The following TAF2 variants were observed in gnomAD, a reference collection of about 807,000 sequenced individuals.
The protein encoded by TAF2 is TATA-box binding protein associated factor 2.
TAF2 carries 61 observed loss-of-function variants against 138.5 expected under a neutral mutation model. The observed-to-expected ratio is 0.44, with a 90% CI of 0.36 to 0.54. The LOEUF (loss-of-function observed/expected upper bound fraction) is 0.54, where lower values mean the gene tolerates loss of function less well. Among genes scored for constraint, TAF2 ranks in the 20% least tolerant of loss-of-function variants. The pLI is 0.00. For synonymous variants in TAF2, 475 were observed against 469.9 expected, an observed-to-expected ratio of 1.01 and a Z score of -0.14; for missense variants, 1,090 against 1,427.9, an observed-to-expected ratio of 0.76 and a Z score of 3.81.
At chr8:119,739,184 C>A (rs1403728855) in intron 25 of TAF2, among the ~76,000 whole-genome samples, 13 of 152,104 alleles carry the variant, frequency 8.5e-5, no homozygotes, top group Non-Finnish European at 1.6e-4. Flanking sequence ...CCTTGCCCGG[C>A]CTCTCTTCTC....
chr8:119,780,449 G>A (rs931893741), intron 17 of TAF2, among the ~76,000 whole-genome samples: 5 of 152,162 alleles, frequency 3.3e-5, no homozygotes, highest in Admixed American at 6.5e-5. Flanking sequence ...TGCTGTCTCT[G>A]ACTCAGATGT....
intron 18 of TAF2, among the ~76,000 whole-genome samples, chr8:119,776,473 G>C (rs1448767122): frequency 1.3e-5 from 2 of 150,386 alleles, no homozygotes; most frequent in Admixed American, 6.6e-5. Context: ...ACAAGGTCAG[G>C]AGATCGAAAC....
At chr8:119,748,735 G>A (rs1189596478) in intron 22 of TAF2, among the ~76,000 whole-genome samples, 4 of 152,122 alleles carry the variant, frequency 2.6e-5, no homozygotes, top group East Asian at 1.9e-4. Context: ...TCCACAAAGA[G>A]GAGGTTATCA....
chr8:119,792,482 A>T (rs1425268421), intron 10 of TAF2, among the ~76,000 whole-genome samples: 1 of 152,152 alleles, frequency 6.6e-6, no homozygotes, highest in Admixed American at 6.6e-5. Flanking sequence ...CATACCTAGA[A>T]GAATTGCTGG....
At chr8:119,744,176 G>T in intron 24 of TAF2, 112 bp downstream of exon 24, 1 of 1,017,624 alleles carries the variant, frequency 9.8e-7, no homozygotes, top group Non-Finnish European at 1.5e-6. Context: ...ATTTTAAGCT[G>T]GCTAATTTTA....
rs953798173 is a variant in TAF2, at chr8:119,832,829, G to C, written c.-265C>G. The C allele has an allele frequency of 4.5e-6, 2 of 442,218 alleles. No individual in the cohort carries two copies. The highest frequency in any genetic ancestry group is 4.0e-6 in the Non-Finnish European group (1 of 248,126). 27.4% of individuals were successfully genotyped at this position (442,218 alleles called of 1,614,324 possible). A position where few individuals can be genotyped will look rare whatever the true frequency, so the allele number is the denominator to read the frequency against. ...CGAAGCTACCATCCGCCGACATCTTGTCTGTAACCTCTGACCTCCGACGTC... is the reference window on the plus strand; with the variant it reads ...CGAAGCTACCATCCGCCGACATCTTCTCTGTAACCTCTGACCTCCGACGTC... On this transcript the variant is annotated 5_prime_UTR_variant, in exon 1 of 26. Transcript: ENST00000378164.
intron 12 of TAF2, 136 bp from the exon 13 acceptor site, chr8:119,789,040 CA>C: frequency 3.0e-6 from 2 of 660,346 alleles, no homozygotes; most frequent in Non-Finnish European, 5.4e-6. Flanking sequence ...TACAGTAAAC[CA>C]GGTGGCAAAG....
chr8:119,791,416 G>A lies in TAF2; in HGVS notation c.1321C>T (p.Leu441=), dbSNP rs778709665. Residue 441 remains leucine (L), a synonymous_variant, in exon 11 of 26, where the codon CTG becomes TTG. Coordinates refer to ENST00000378164, the MANE Select transcript of TAF2 (RefSeq NM_003184.4). ...AACATACTGTAGTATTCCCAGGACA[G>A]TGTATGTGGATGCTTTATTGAAAAG... The part of the protein sequence containing the change: ...LHFSIKHPHT[L]SWEYYSMFQC... 1.2e-6 allele frequency: 2 copies of A among 1,613,744 alleles called. No individual in the cohort carries two copies. Among genetic ancestry groups the A allele is most frequent in the South Asian group, 2.2e-5 (2 of 91,078 alleles).
At chr8:119,788,688 AC>A in intron 13 of TAF2, 101 bp downstream of exon 13, 1 of 916,518 alleles carries the variant, frequency 1.1e-6, no homozygotes, top group Non-Finnish European at 1.8e-6. Flanking sequence ...TCCACTTCAA[AC>A]AAAATCTCAT....
At chr8:119,735,458 T>G (rs1422602234) in intron 25 of TAF2, among the ~76,000 whole-genome samples, 1 of 152,210 alleles carries the variant, frequency 6.6e-6, no homozygotes, top group African/African-American at 2.4e-5. Flanking sequence ...GCTCATCCAT[T>G]CAAGTGGTAT....
chr8:119,826,323 C>A (rs1024145793), intron 2 of TAF2, among the ~76,000 whole-genome samples: 1 of 151,808 alleles, frequency 6.6e-6, no homozygotes, highest in African/African-American at 2.4e-5. Flanking sequence ...CACAAGCTCT[C>A]TTTTTGCCTG....
At chr8:119,814,888 G>A (rs867065798) in intron 3 of TAF2, among the ~76,000 whole-genome samples, 4 of 149,024 alleles carry the variant, frequency 2.7e-5, no homozygotes, top group African/African-American at 5.0e-5. Context: ...CAGCCTGGGC[G>A]CCAGAGCAGG....
rs1327723460 is a variant in TAF2 at position 119,781,313 on chromosome 8, C to T, written c.2113-120G>A. 18 of 1,118,342 alleles carry T rather than the reference C, an allele frequency of 1.6e-5. No individual in the cohort carries two copies. The Admixed American group carries it at 2.0e-4, about 12-fold the overall frequency. 69.3% of individuals were successfully genotyped at this position (1,118,342 alleles called of 1,614,324 possible). On this transcript the variant is annotated intron_variant, in intron 16 of 25. Coordinates refer to ENST00000378164, the MANE Select transcript of TAF2 (RefSeq NM_003184.4). ...GATTGGGTTTTCAACAACTTCACTTCTCAGAAATTTATAACAATTTAGCAT... is the reference window on the plus strand; with the variant it reads ...GATTGGGTTTTCAACAACTTCACTTTTCAGAAATTTATAACAATTTAGCAT...
At chr8:119,806,165 G>A (rs1824627205) in intron 4 of TAF2, 118 bp downstream of exon 4, 3 of 908,124 alleles carry the variant, frequency 3.3e-6, no homozygotes, top group Non-Finnish European at 5.4e-6. Context: ...GCCTCCCAAA[G>A]TGCTGGGATT....
chr8:119,818,732 C>CCACA (rs199991010), intron 3 of TAF2, among the ~76,000 whole-genome samples: 9,187 of 110,664 alleles, frequency 0.083, 294 homozygotes, highest in African/African-American at 0.12. Context: ...AAAATGAAGT[C>CCACA]CACACACACA....
At chr8:119,776,980 T>C (rs190140110) in intron 18 of TAF2, among the ~76,000 whole-genome samples, 2 of 152,272 alleles carry the variant, frequency 1.3e-5, no homozygotes, top group Admixed American at 6.5e-5. Context: ...CAAAATTTAT[T>C]TGGGGAAGAA....
At chr8:119,742,231 T>C (rs560821302) in intron 25 of TAF2, among the ~76,000 whole-genome samples, 15 of 152,330 alleles carry the variant, frequency 9.8e-5, no homozygotes, top group Non-Finnish European at 2.1e-4. Context: ...AAAATGTTCA[T>C]TATAATTAAA....
rs1033965058 is a variant in TAF2 at position 119,733,525 on chromosome 8, T to C, written c.3338-1339A>G. ...TGTCCTCAAAGGTTCTCTACAGTTT[T>C]AACATTCTATCCGTCTAGGAATCTA... On this transcript the variant is annotated intron_variant, in intron 25 of 25. Coordinates refer to ENST00000378164, the MANE Select transcript of TAF2 (RefSeq NM_003184.4). Among the ~76,000 whole-genome samples, 7 of 152,206 alleles carry C rather than the reference T, an allele frequency of 4.6e-5. No homozygotes were observed. In the East Asian group the frequency reaches 1.3e-3, roughly 29 times the overall value.
At chr8:119,767,442 G>GAGA (rs1821508905) in intron 18 of TAF2, among the ~76,000 whole-genome samples, 1 of 152,208 alleles carries the variant, frequency 6.6e-6, no homozygotes, top group African/African-American at 2.4e-5. Flanking sequence ...AAGTGAGTGA[G>GAGA]AGATCCCTGG....
Sources: gnomAD v4.1 joint callset for allele counts (sites outside exome capture counted in the v4.1 genomes callset) on GRCh38, gnomAD v4.1.1 for gene constraint, MANE v1.5 for transcripts, NCBI Gene and HGNC (gene_info 2026-07-23, HGNC 2026-07-21) for gene names.